The following SRCIN1 variants were observed in gnomAD, a reference collection of about 807,000 sequenced individuals.
The protein encoded by SRCIN1 is P130Cas-associated protein.
Under a neutral mutation model 116.2 loss-of-function variants are expected in SRCIN1, and 50 were observed. The ratio of observed to expected loss-of-function variants is 0.43; its 90% CI spans 0.34 to 0.54. The LOEUF (loss-of-function observed/expected upper bound fraction) is 0.54. SRCIN1 is among the 20% of genes least tolerant of loss of function. SRCIN1 has a pLI of 0.02. For missense variants in SRCIN1, 1,446 were observed against 1,672.0 expected (o/e 0.86, Z 2.36); for synonymous variants, 736 against 750.0 (o/e 0.98, Z 0.30).
chr17:38,551,432 C>CCCCAGAGG, intron 14 of SRCIN1, 43 bp from the exon 15 acceptor site: 2 of 1,518,506 alleles, frequency 1.3e-6, no homozygotes, highest in Non-Finnish European at 1.8e-6. Context: ...AGCTCTCCTG[C>CCCCAGAGG]TCCAGGACCT....
intron 3 of SRCIN1, among the ~76,000 whole-genome samples, chr17:38,564,733 A>C (rs1226561975): frequency 1.7e-5 from 1 of 58,694 alleles, no homozygotes; most frequent in African/African-American, 7.2e-5. Context: ...TTTATTCTTC[A>C]TGGAGTTCAG....
chr17:38,596,189 C>T (rs766612366), intron 1 of SRCIN1, among the ~76,000 whole-genome samples: 8 of 152,284 alleles, frequency 5.3e-5, no homozygotes, highest in Non-Finnish European at 8.8e-5. Flanking sequence ...GGCCCGGCTG[C>T]AGAGGAGCTG....
chr17:38,551,025 C>T (rs1006359215), intron 15 of SRCIN1, 130 bp downstream of exon 15: 4 of 563,500 alleles, frequency 7.1e-6, no homozygotes, highest in Non-Finnish European at 1.3e-5. Context: ...GCCGATGTCC[C>T]AGGGCCTCCC....
At chr17:38,537,616 C>G (rs561164569) in intron 18 of SRCIN1, among the ~76,000 whole-genome samples, 4 of 151,568 alleles carry the variant, frequency 2.6e-5, no homozygotes, top group Non-Finnish European at 5.9e-5. Flanking sequence ...AGGGTGAAAC[C>G]CTGTCTCTAC....
In SRCIN1 at chr17:38,530,152, A is replaced by G. The variant is rs904551575; in HGVS notation, c.*3145T>C. On this transcript the variant is annotated 3_prime_UTR_variant, in exon 19 of 19. Transcript: ENST00000617146. ...ATTAAAAAAGAGAGACAGAGAAAACACAGCAACCCTTTTCCATTTAGAAAT... is the reference window on the plus strand; with the variant it reads ...ATTAAAAAAGAGAGACAGAGAAAACGCAGCAACCCTTTTCCATTTAGAAAT... 4 of 152,430 alleles carry G rather than the reference A, an allele frequency of 2.6e-5. No individual in the cohort carries two copies. Among genetic ancestry groups the G allele is most frequent in the African/African-American group, 9.6e-5 (4 of 41,590 alleles). The allele number at this position is 152,430 out of a possible 1,614,324, so 9.4% of individuals were successfully genotyped here. A position where few individuals can be genotyped will look rare whatever the true frequency, so the allele number is the denominator to read the frequency against.
chr17:38,598,628 A>G (rs1435619824), intron 1 of SRCIN1, among the ~76,000 whole-genome samples: 1 of 152,168 alleles, frequency 6.6e-6, no homozygotes, highest in Non-Finnish European at 1.5e-5. Flanking sequence ...GTGTTTGCAC[A>G]GGTGAGGAAG....
At chr17:38,571,889 C>T (rs1312169975) in intron 2 of SRCIN1, among the ~76,000 whole-genome samples, 1 of 152,136 alleles carries the variant, frequency 6.6e-6, no homozygotes, top group Non-Finnish European at 1.5e-5. Context: ...AGTTAACTCC[C>T]TTCCTCTCTC....
intron 18 of SRCIN1, among the ~76,000 whole-genome samples, chr17:38,540,644 G>A (rs1459226109): frequency 6.6e-6 from 1 of 152,232 alleles, no homozygotes; most frequent in Non-Finnish European, 1.5e-5. Context: ...CAGGGGCAGG[G>A]TGAGCTGAGG....
At chr17:38,556,599 A>G (rs565455689) in intron 11 of SRCIN1, among the ~76,000 whole-genome samples, 3 of 152,346 alleles carry the variant, frequency 2.0e-5, no homozygotes, top group Admixed American at 2.0e-4. Context: ...AAAGCCTGGG[A>G]AGGCTATGGG....
At chr17:38,565,524 C>T (rs777573965) in intron 3 of SRCIN1, among the ~76,000 whole-genome samples, 13 of 152,056 alleles carry the variant, frequency 8.5e-5, no homozygotes, top group Non-Finnish European at 1.9e-4. Context: ...CTCTACAAAA[C>T]GGTGTGAATA....
At chr17:38,578,429 A>C (rs1597920269) in intron 2 of SRCIN1, 61 bp downstream of exon 2, 1 of 1,504,950 alleles carries the variant, frequency 6.6e-7, no homozygotes. Context: ...ACGGGGTCAG[A>C]CCTCCTCCCC....
In SRCIN1 at chr17:38,533,153, GA is replaced by G; in HGVS notation, c.*143del. 1.1e-6 allele frequency: 1 copy of G among 887,568 alleles called. No homozygotes were observed. The highest frequency in any genetic ancestry group is 1.5e-6 in the Non-Finnish European group (1 of 664,028). The allele number at this position is 887,568 out of a possible 1,614,324, so 55.0% of individuals were successfully genotyped here. On this transcript the variant is annotated 3_prime_UTR_variant, in exon 19 of 19. Transcript: ENST00000617146. ...CAACAGATGATGGGTAGGGGTCGCT[GA>G]GGAGGGCCGCACCCTCCTCTTCAGG...
chr17:38,595,756 C>T (rs1405158386), intron 1 of SRCIN1, among the ~76,000 whole-genome samples: 1 of 152,230 alleles, frequency 6.6e-6, no homozygotes, highest in Non-Finnish European at 1.5e-5. Context: ...CGCCTCTTCT[C>T]TTCACCCCAG....
rs1287115451 is a variant in SRCIN1, at chr17:38,578,576, G to A, written c.238C>T (p.Arg80Cys). The A allele has an allele frequency of 6.2e-7, 1 of 1,612,216 alleles. No individual in the cohort carries two copies. The highest frequency in any genetic ancestry group is 1.1e-5 in the South Asian group (1 of 91,040). ...TTCAGGTGGTCCATGAAGGCATCAC[G>A]CTTGCGGTCGGCGTCCGCCTTCTGG... ...GLQKADADRK[R>C]DAFMDHLKSK... Residue 80 changes from arginine (R) to cysteine (C), a missense_variant, in exon 2 of 19, where the codon CGT becomes TGT. Arg to Cys is a radical substitution (Grantham distance 180). Coordinates refer to ENST00000617146, the MANE Select transcript of SRCIN1 (RefSeq NM_025248.3).
rs71138630 is a variant in SRCIN1 at position 38,535,209 on chromosome 17, C to CTTTT, written c.3418-1782_3418-1779dup. 1.0e-3 allele frequency among the ~76,000 whole-genome samples: 131 copies of CTTTT among 128,896 alleles called. 2 individuals carry two copies. The highest frequency in any genetic ancestry group is 4.6e-3 in the East Asian group (21 of 4,604). The allele number at this position is 128,896 out of a possible 152,430, so 84.6% of individuals were successfully genotyped here. On this transcript the variant is annotated intron_variant, in intron 18 of 18. Coordinates refer to ENST00000617146, the MANE Select transcript of SRCIN1 (RefSeq NM_025248.3). Reference sequence around the variant, plus strand: ...CCCCATTTGGGTTTTCTTTTTCTTTCTTTTTTTTTTTTTTTTGAGATGGAC... The same window carrying CTTTT: ...CCCCATTTGGGTTTTCTTTTTCTTTCTTTTTTTTTTTTTTTTTTTTGAGATGGAC...
intron 1 of SRCIN1, among the ~76,000 whole-genome samples, chr17:38,581,262 C>T (rs758778577): frequency 2.6e-5 from 4 of 151,874 alleles, no homozygotes; most frequent in South Asian, 2.1e-4. Flanking sequence ...AAAAATTAGC[C>T]GGGAGTGATA....
rs1907175906 is a variant in SRCIN1 at position 38,572,782 on chromosome 17, A to AGCCGCG, written c.325-4557_325-4552dup. ...TCTTCTCTCCCCCGGCCGCCTCCGC[A>AGCCGCG]GCCGCGGCCGCCGCCGCCGGTGCCC... On this transcript the variant is annotated intron_variant, in intron 2 of 18. Coordinates refer to ENST00000617146, the MANE Select transcript of SRCIN1 (RefSeq NM_025248.3). This position sits in a 1 kb window ranked among gnomAD's most constrained non-coding sequence, Gnocchi z 4.3. The AGCCGCG allele has an allele frequency of 6.6e-6, 1 of 152,048 alleles. No homozygotes were observed. Among genetic ancestry groups the AGCCGCG allele is most frequent in the South Asian group, 1.8e-4 (1 of 5,654 alleles). The allele number at this position is 152,048 out of a possible 1,614,324, so 9.4% of individuals were successfully genotyped here. A position where few individuals can be genotyped will look rare whatever the true frequency, so the allele number is the denominator to read the frequency against.
At chr17:38,574,191 T>C (rs1907261302) in intron 2 of SRCIN1, among the ~76,000 whole-genome samples, 1 of 152,128 alleles carries the variant, frequency 6.6e-6, no homozygotes, top group African/African-American at 2.4e-5. Context: ...CCATTGCAAC[T>C]CTGATGCCTA....
Position 38,551,208 on chromosome 17 carries a change from G to A in SRCIN1, c.2909C>T (p.Pro970Leu), listed in dbSNP as rs1304452842. The change falls in exon 15 of 19, where the codon CCC becomes CTC. Residue 970 changes from proline to leucine, a missense_variant. Physicochemically the swap from Pro to Leu is moderately conservative, Grantham distance 98 (BLOSUM62 -3). Transcript: ENST00000617146. ...TCGGGGGGCTGCCTTCTGGCCGTGG[G>A]GGGCCTTGGGGGGCTTGTGATCTGG... Reference protein sequence around the residue: ...PTPDHKPPKAPHGQKAAPRTE... With the variant: ...PTPDHKPPKALHGQKAAPRTE... The A allele has an allele frequency of 3.1e-6, 5 of 1,600,544 alleles. No homozygotes were observed. Among genetic ancestry groups the A allele is most frequent in the Non-Finnish European group, 4.3e-6 (5 of 1,172,262 alleles).
Sources: gnomAD v4.1 joint callset for allele counts (sites outside exome capture counted in the v4.1 genomes callset) on GRCh38, gnomAD v4.1.1 for gene constraint, Gnocchi (gnomAD v3.1) non-coding constraint, MANE v1.5 for transcripts, NCBI Gene and HGNC (gene_info 2026-07-23, HGNC 2026-07-21) for gene names.